TPO: variants seen among roughly 807,000 people sequenced by gnomAD.
TPO encodes the protein thyroid microsomal antigen.
TPO carries 78 observed loss-of-function variants against 96.9 expected under a neutral mutation model. That is an observed-to-expected ratio of 0.81 (90% CI 0.67 to 0.97). The LOEUF (loss-of-function observed/expected upper bound fraction) is 0.97, where lower values mean the gene tolerates loss of function less well. Ranked by LOEUF, TPO falls within the 50% of genes least tolerant of loss-of-function variation. The pLI, the probability that TPO is intolerant of heterozygous loss-of-function variation, is 0.00. For missense variants in TPO, 1,252 were observed against 1,274.8 expected, an observed-to-expected ratio of 0.98 and a Z score of 0.27; for synonymous variants, 547 against 538.0, an observed-to-expected ratio of 1.02 and a Z score of -0.23.
chr2:1,484,681 C>A lies in TPO; in HGVS notation c.1424C>A (p.Ser475Tyr). 4 of 1,614,176 alleles carry A rather than the reference C, an allele frequency of 2.5e-6. No individual in the cohort carries two copies. Among genetic ancestry groups the A allele is most frequent in the Non-Finnish European group, 3.4e-6 (4 of 1,180,042 alleles). The change falls in exon 9 of 17, where the codon TCC becomes TAC. Residue 475 changes from serine to tyrosine, a missense_variant. Transcript: ENST00000329066. ...QYVGPYEGYD[S>Y]TANPTVSNVF... ...GTGGGTCCCTATGAAGGCTATGACT[C>A]CACCGCCAACCCCACTGTGTCCAAC...
chr2:1,526,547 TCTCA>T (rs200605273), intron 15 of TPO, among the ~76,000 whole-genome samples: 1,803 of 120,260 alleles, frequency 0.015, 43 homozygotes, highest in African/African-American at 0.056. Flanking sequence ...CCTCAAATCC[TCTCA>T]CTGTGTGCAA....
In TPO at chr2:1,540,534, T is replaced by C. The variant is rs1249937869; in HGVS notation, c.2619-60T>C. On this transcript the variant is annotated intron_variant, in intron 15 of 16. Coordinates refer to ENST00000329066, the MANE Select transcript of TPO (RefSeq NM_001206744.2). ...TTGCCGTCGCTCGTGCCGTGCTCTC[T>C]ACCCTCCACAGTCACGGTGCCGGAC... 13 of 1,605,944 alleles carry C rather than the reference T, an allele frequency of 8.1e-6. No homozygotes were observed. The Admixed American group carries it at 2.2e-4, about 27-fold the overall frequency.
At chr2:1,383,812 A>T (rs1381796298) in intron 1 of TPO, among the ~76,000 whole-genome samples, 1 of 152,220 alleles carries the variant, frequency 6.6e-6, no homozygotes. Flanking sequence ...CTATGTCCTG[A>T]ATGGTATTGC....
intron 8 of TPO, among the ~76,000 whole-genome samples, chr2:1,481,997 G>A (rs1043276926): frequency 6.6e-6 from 1 of 152,212 alleles, no homozygotes; most frequent in African/African-American, 2.4e-5. Context: ...GGGGAGCTGG[G>A]TGCCTGCTCA....
At chr2:1,461,683 C>T (rs1399391) in intron 7 of TPO, among the ~76,000 whole-genome samples, 140,238 of 152,152 alleles carry the variant, frequency 0.92, 64,766 homozygotes, top group South Asian at 0.98. Context: ...TGCACACACA[C>T]GCACACCCAC....
intron 5 of TPO, among the ~76,000 whole-genome samples, chr2:1,443,709 C>A: frequency 8.7e-6 from 1 of 114,458 alleles, no homozygotes; most frequent in Admixed American, 8.6e-5. Flanking sequence ...GAGCTGGCTC[C>A]TTCTTGTTTG....
chr2:1,428,786 G>A lies in TPO; in HGVS notation c.180-4652G>A, dbSNP rs900386749. On this transcript the variant is annotated intron_variant, in intron 3 of 16. Coordinates refer to ENST00000329066, the MANE Select transcript of TPO (RefSeq NM_001206744.2). ...TTTTAGATAAATGTCTCCAAGGAAA[G>A]CACGCGTTTTGGGGAGGGTTGCTAT... 2.0e-5 allele frequency among the ~76,000 whole-genome samples: 3 copies of A among 152,164 alleles called. No individual in the cohort carries two copies. The South Asian group carries it at 6.2e-4, about 32-fold the overall frequency.
At position 1,378,472 on chromosome 2, in the gene TPO, C is replaced by T. The variant is rs188826910; in HGVS notation, n.180+4070C>T. Among the ~76,000 whole-genome samples the T allele has an allele frequency of 3.3e-5, 5 of 152,334 alleles. No individual in the cohort carries two copies. In the East Asian group the frequency reaches 5.8e-4, roughly 18 times the overall value. On this transcript the variant is annotated intron_variant and non_coding_transcript_variant, in intron 1 of 5. Coordinates refer to the TPO transcript ENST00000497517. The stretch of plus-strand genomic sequence containing the variant: ...CTGCCCCTTCAAATGTGCCTGTTAC[C>T]GATGGCTCAGAGCACACAGCCCATG...
chr2:1,401,045 A>G (rs2148373842), intron 1 of TPO, among the ~76,000 whole-genome samples: 1 of 144,672 alleles, frequency 6.9e-6, no homozygotes, highest in South Asian at 2.1e-4. Context: ...AGGTCTGGAT[A>G]CTCCTCACCT....
chr2:1,414,425 T>G lies in TPO; in HGVS notation c.17T>G (p.Val6Gly). 6.2e-7 allele frequency: 1 copy of G among 1,613,944 alleles called. No homozygotes were observed. The highest frequency in any genetic ancestry group is 8.5e-7 in the Non-Finnish European group (1 of 1,179,920). MRALAVLSVTLVMACT... is the reference protein window; with the variant it reads MRALAGLSVTLVMACT... ...AATTTTAGAATGAGAGCGCTCGCTG[T>G]GCTGTCTGTCACGCTGGTTATGGCC... The change falls in exon 2 of 17, where the codon GTG (valine) becomes GGG (glycine). Residue 6 changes from valine (V) to glycine (G), a missense_variant. Val to Gly is a moderately radical substitution (Grantham distance 109, BLOSUM62 -3). Transcript: ENST00000329066.
chr2:1,500,885 T>C (rs1189239382), intron 13 of TPO, among the ~76,000 whole-genome samples: 1 of 151,752 alleles, frequency 6.6e-6, no homozygotes, highest in Non-Finnish European at 1.5e-5. Context: ...GGCAAGAGAA[T>C]TGCTTGAACC....
rs190488367 is a variant in TPO, at chr2:1,461,547, G to A, written c.819+5265G>A. 4.6e-4 allele frequency among the ~76,000 whole-genome samples: 70 copies of A among 152,226 alleles called. No homozygotes were observed. In the East Asian group the frequency reaches 0.013, roughly 28 times the overall value. ...TCCTCAGAAGAACCCGAGTGGGAGT[G>A]AAAAGCAAAAGTGAGTTGGGCCCCA... is the stretch of plus-strand genomic sequence containing the variant. On this transcript the variant is annotated intron_variant, in intron 7 of 16. Transcript: ENST00000329066.
intron 8 of TPO, 143 bp downstream of exon 8, chr2:1,477,747 G>T: frequency 7.3e-7 from 1 of 1,369,862 alleles, no homozygotes; most frequent in African/African-American, 1.5e-5. Flanking sequence ...TCCAGGTCGT[G>T]GGGCCCTGTG....
At chr2:1,530,526 G>A (rs1313097575) in intron 15 of TPO, among the ~76,000 whole-genome samples, 1 of 44,804 alleles carries the variant, frequency 2.2e-5, no homozygotes, top group African/African-American at 1.1e-4. Context: ...CCCCCACTCT[G>A]TGCAACCCCC....
At chr2:1,463,119 C>T (rs554224872) in intron 7 of TPO, among the ~76,000 whole-genome samples, 1 of 152,146 alleles carries the variant, frequency 6.6e-6, no homozygotes, top group African/African-American at 2.4e-5. Flanking sequence ...CCTGCGTGCC[C>T]GTGGGTGAGA....
intron 5 of TPO, among the ~76,000 whole-genome samples, 164 bp from the exon 6 acceptor site, chr2:1,453,530 C>T (rs1172640892): frequency 6.6e-6 from 1 of 152,172 alleles, no homozygotes; most frequent in Admixed American, 6.5e-5. Context: ...CAGTCATGAC[C>T]TGGGCCTCCA....
chr2:1,421,703 G>A (rs1395790398), intron 2 of TPO, among the ~76,000 whole-genome samples: 2 of 152,212 alleles, frequency 1.3e-5, no homozygotes, highest in Non-Finnish European at 2.9e-5. Context: ...GCTTTTGTGG[G>A]AACAGGAGGT....
At chr2:1,442,707 C>T (rs1310542048) in intron 5 of TPO, among the ~76,000 whole-genome samples, 1 of 152,164 alleles carries the variant, frequency 6.6e-6, no homozygotes, top group African/African-American at 2.4e-5. Flanking sequence ...GCTTAGACTT[C>T]ATGTCTTGCT....
chr2:1,494,174 G>T (rs1255050732), intron 11 of TPO, 135 bp downstream of exon 11: 10 of 929,530 alleles, frequency 1.1e-5, no homozygotes, highest in Non-Finnish European at 1.7e-5. Flanking sequence ...TGGTCAGGTT[G>T]TTTCTCCCAC....
Sources: allele counts gnomAD v4.1 joint callset (sites outside exome capture counted in the v4.1 genomes callset), GRCh38; gene constraint gnomAD v4.1.1; transcripts MANE v1.5; gene names NCBI Gene and HGNC (gene_info 2026-07-23, HGNC 2026-07-21).